CDH23: variants seen among roughly 807,000 people sequenced by gnomAD.
The protein encoded by CDH23 is cadherin-23.
In CDH23, 189 loss-of-function variants were observed where a neutral mutation model predicts 317.1. That is an observed-to-expected ratio of 0.60 (90% CI 0.53 to 0.67). The LOEUF is 0.67. Among genes scored for constraint, CDH23 ranks in the 30% least tolerant of loss-of-function variants. CDH23 has a pLI of 0.00. For missense variants in CDH23, 4,401 were observed against 4,592.4 expected (o/e 0.96, Z 1.20); for synonymous variants, 1,839 against 1,876.8 (o/e 0.98, Z 0.52).
intron 9 of CDH23, among the ~76,000 whole-genome samples, chr10:71,583,737 G>A (rs761776614): frequency 1.3e-5 from 2 of 152,142 alleles, no homozygotes; most frequent in Non-Finnish European, 2.9e-5. Context: ...CTGTTTATTG[G>A]GTGCCTGCCG....
At chr10:71,489,069 AT>A (rs1852505053) in intron 3 of CDH23, among the ~76,000 whole-genome samples, 1 of 152,112 alleles carries the variant, frequency 6.6e-6, no homozygotes, top group East Asian at 1.9e-4. Context: ...CTGGGTTTGA[AT>A]TTCTATTTAT....
In CDH23 at chr10:71,565,094, G is replaced by T. The variant is rs941380558; in HGVS notation, c.430-1648G>T. On this transcript the variant is annotated intron_variant, in intron 6 of 69. Transcript: ENST00000224721. ...GCCGTGGGCCCCCATGAAGTGTTTC[G>T]TTCTGGATTCATGGGACTGGCTCTG... Among the ~76,000 whole-genome samples the T allele has an allele frequency of 5.9e-5, 9 of 152,236 alleles. No individual in the cohort carries two copies. The East Asian group carries it at 1.7e-3, about 29-fold the overall frequency.
At chr10:71,450,519 C>T (rs561603306) in intron 3 of CDH23, among the ~76,000 whole-genome samples, 1 of 152,280 alleles carries the variant, frequency 6.6e-6, no homozygotes, top group Admixed American at 6.5e-5. Flanking sequence ...CCACCCACCT[C>T]AGCCTCCCAA....
Position 71,712,807 on chromosome 10 carries a change from C to T in CDH23, c.3363C>T (p.Ile1121=). ...VPEDIPEGHS[I]LQLKATDADE... ...AGGACATCCCTGAAGGCCACAGCAT[C>T]TTGCAGGCAGGTGGCCCGTGGCCTC... Residue 1121 remains isoleucine, a synonymous_variant, in exon 28 of 70, where the codon ATC becomes ATT. Coordinates refer to ENST00000224721, the MANE Select transcript of CDH23 (RefSeq NM_022124.6). 6.2e-7 allele frequency: 1 copy of T among 1,611,902 alleles called. No individual in the cohort carries two copies. Among genetic ancestry groups the T allele is most frequent in the African/African-American group, 1.3e-5 (1 of 75,060 alleles).
chr10:71,680,476 G>A (rs758408868), intron 17 of CDH23, among the ~76,000 whole-genome samples: 1 of 152,116 alleles, frequency 6.6e-6, no homozygotes, highest in Non-Finnish European at 1.5e-5. Context: ...TGACCAGCGC[G>A]GTGGCTCACG....
rs1865468523 is a variant in CDH23, at chr10:71,698,389, G to A, written c.2397+2864G>A. Among the ~76,000 whole-genome samples, 4 of 152,172 alleles carry A rather than the reference G, an allele frequency of 2.6e-5. No homozygotes were observed. In the South Asian group the frequency reaches 8.3e-4, roughly 32 times the overall value. On this transcript the variant is annotated intron_variant, in intron 22 of 69. Coordinates refer to ENST00000224721, the MANE Select transcript of CDH23 (RefSeq NM_022124.6). ...GCCCCAGGTTGAGGTAGGGTCTGTG[G>A]CCAAAGTGTGAGGTGAGGTGGCTAC...
At chr10:71,439,698 G>A in intron 1 of CDH23, 129 bp from the exon 2 acceptor site, 1 of 662,690 alleles carries the variant, frequency 1.5e-6, no homozygotes, top group Non-Finnish European at 2.7e-6. Context: ...CCCTCCATCT[G>A]GGTTGATTCC....
chr10:71,582,608 G>A (rs539404009), intron 9 of CDH23, among the ~76,000 whole-genome samples: 12 of 152,222 alleles, frequency 7.9e-5, no homozygotes, highest in Middle Eastern at 3.4e-3. Flanking sequence ...CTAAGCATCC[G>A]TTTTCCAATC....
At chr10:71,712,905 G>T in intron 28 of CDH23, 92 bp downstream of exon 28, 1 of 1,471,562 alleles carries the variant, frequency 6.8e-7, no homozygotes, top group Non-Finnish European at 9.3e-7. Context: ...GGCACCAGAG[G>T]CGGAAGCAGG....
intron 14 of CDH23, among the ~76,000 whole-genome samples, chr10:71,668,312 C>T (rs981308669): frequency 6.6e-6 from 1 of 152,128 alleles, no homozygotes; most frequent in Non-Finnish European, 1.5e-5. Context: ...CCTGTGGGGG[C>T]CCATCGGTCT....
intron 6 of CDH23, among the ~76,000 whole-genome samples, chr10:71,550,759 G>A (rs1856552065): frequency 6.6e-6 from 1 of 152,116 alleles, no homozygotes; most frequent in South Asian, 2.1e-4. Flanking sequence ...CACCAGGCAT[G>A]CTGGATTTGC....
In CDH23 at chr10:71,485,699, G is replaced by A. The variant is rs528654765; in HGVS notation, c.146-24383G>A. On this transcript the variant is annotated intron_variant, in intron 3 of 69. Coordinates refer to ENST00000224721, the MANE Select transcript of CDH23 (RefSeq NM_022124.6). ...GTCTGAACAGATTGGGGCTGTGTGG[G>A]CAGAGAAGCAGTGTGGGGTGGGATG... 5.3e-5 allele frequency among the ~76,000 whole-genome samples: 8 copies of A among 152,350 alleles called. No individual in the cohort carries two copies. In the South Asian group the frequency reaches 1.7e-3, roughly 32 times the overall value.
chr10:71,481,609 C>G (rs1852069369), intron 3 of CDH23, among the ~76,000 whole-genome samples: 1 of 152,188 alleles, frequency 6.6e-6, no homozygotes, highest in African/African-American at 2.4e-5. Flanking sequence ...CAGTACCAGC[C>G]TCTGTCTAAA....
chr10:71,806,416 G>C (rs992310262), intron 57 of CDH23, 135 bp downstream of exon 57: 1 of 664,692 alleles, frequency 1.5e-6, no homozygotes, highest in Non-Finnish European at 2.7e-6. Flanking sequence ...TGCACTTCAT[G>C]CAAGAACAAC....
intron 1 of CDH23, among the ~76,000 whole-genome samples, chr10:71,421,873 C>T (rs1848835475): frequency 6.6e-6 from 1 of 151,604 alleles, no homozygotes; most frequent in Non-Finnish European, 1.5e-5. Context: ...CAAATGTGGA[C>T]ACAGTGAACT....
At chr10:71,608,782 G>T (rs1860681794) in intron 9 of CDH23, among the ~76,000 whole-genome samples, 1 of 152,228 alleles carries the variant, frequency 6.6e-6, no homozygotes, top group Non-Finnish European at 1.5e-5. Flanking sequence ...GCCAGAGGTG[G>T]CAGAGCCTCC....
Position 71,734,638 on chromosome 10 carries a change from T to A in CDH23, c.4207-18T>A. ...GCCTTTTCTCTCACTCCCCTCCTGC[T>A]GCTGCCTCTGCCTACAGAAGGTGAG... is the stretch of plus-strand genomic sequence containing the variant. On this transcript the variant is annotated intron_variant, in intron 33 of 69. Transcript: ENST00000224721. 6.7e-7 allele frequency: 1 copy of A among 1,500,504 alleles called. No homozygotes were observed. The highest frequency in any genetic ancestry group is 9.0e-7 in the Non-Finnish European group (1 of 1,107,564). 92.9% of individuals were successfully genotyped at this position (1,500,504 alleles called of 1,614,324 possible). A position where few individuals can be genotyped will look rare whatever the true frequency, so the allele number is the denominator to read the frequency against.
At chr10:71,451,339 C>T (rs957014163) in intron 3 of CDH23, among the ~76,000 whole-genome samples, 40 of 152,206 alleles carry the variant, frequency 2.6e-4, no homozygotes, top group Admixed American at 1.6e-3. Flanking sequence ...TGCTCCAAGG[C>T]CTGCTCAAGT....
intron 2 of CDH23, among the ~76,000 whole-genome samples, chr10:71,441,760 A>G (rs976950543): frequency 1.3e-5 from 2 of 152,120 alleles, no homozygotes; most frequent in South Asian, 4.1e-4. Context: ...CATCAGTAGA[A>G]ATAAAGGAGG....
Sources: allele counts gnomAD v4.1 joint callset (sites outside exome capture counted in the v4.1 genomes callset), GRCh38; gene constraint gnomAD v4.1.1; transcripts MANE v1.5; gene names NCBI Gene and HGNC (gene_info 2026-07-23, HGNC 2026-07-21).